LUC7L2: variants seen among roughly 807,000 people sequenced by gnomAD.
LUC7L2 encodes the protein putative RNA-binding protein Luc7-like 2.
LUC7L2 carries 25 observed loss-of-function variants against 52.8 expected under a neutral mutation model. The observed-to-expected ratio is 0.47, with a 90% CI of 0.34 to 0.66. LUC7L2 has a LOEUF of 0.66. Among genes scored for constraint, LUC7L2 ranks in the 30% least tolerant of loss-of-function variants. LUC7L2 has a pLI of 0.01. For synonymous variants in LUC7L2, 144 were observed against 160.9 expected (o/e 0.89, Z 0.80); for missense variants, 328 against 497.8 (o/e 0.66, Z 3.25).
Position 139,422,314 on chromosome 7 carries a change from G to A in LUC7L2, c.1153G>A (p.Glu385Lys). The change falls in exon 10 of 10, where the codon GAA becomes AAA. Residue 385 changes from glutamate to lysine, a missense_variant. Coordinates refer to ENST00000354926, the MANE Select transcript of LUC7L2 (RefSeq NM_016019.5). The part of the protein sequence containing the change: ...NGRSEDRRSS[E>K]EREAGEI ...CAGATCAGAAGACAGGAGGAGCTCT[G>A]AAGAGCGCGAAGCAGGGGAGATCTA... The A allele has an allele frequency of 5.0e-6, 8 of 1,613,208 alleles. No individual in the cohort carries two copies. The highest frequency in any genetic ancestry group is 6.8e-6 in the Non-Finnish European group (8 of 1,179,778).
chr7:139,392,448 T>A (rs766723921), intron 2 of LUC7L2: 1 of 407,280 alleles, frequency 2.5e-6, no homozygotes, highest in Non-Finnish European at 4.9e-6. Flanking sequence ...CAATATAAAA[T>A]GCTGTGGAGC....
At chr7:139,390,007 T>A (rs1295891341) in intron 2 of LUC7L2, among the ~76,000 whole-genome samples, 1 of 152,002 alleles carries the variant, frequency 6.6e-6, no homozygotes, top group Non-Finnish European at 1.5e-5. Context: ...CAAAAAAAAA[T>A]TAACTTGGTG....
intron 3 of LUC7L2, 130 bp from the exon 4 acceptor site, chr7:139,402,007 C>A: frequency 2.1e-6 from 2 of 952,814 alleles, no homozygotes; most frequent in Non-Finnish European, 2.9e-6. Context: ...CTAAAGTGCT[C>A]AATTACTGAC....
upstream of LUC7L2, among the ~76,000 whole-genome samples, chr7:139,356,314 C>CAAAA (rs10524961): frequency 4.8e-5 from 4 of 82,968 alleles, no homozygotes; most frequent in Non-Finnish European, 6.6e-5. Flanking sequence ...GACCCTATCT[C>CAAAA]AAAAAAAAAA....
At chr7:139,395,511 G>C (rs1485545344) in intron 2 of LUC7L2, among the ~76,000 whole-genome samples, 4 of 152,116 alleles carry the variant, frequency 2.6e-5, no homozygotes, top group South Asian at 2.1e-4. Context: ...AGCATGATGA[G>C]GACTTTTATA....
chr7:139,394,188 C>T (rs1794565012), intron 2 of LUC7L2, among the ~76,000 whole-genome samples: 1 of 152,214 alleles, frequency 6.6e-6, no homozygotes, highest in Non-Finnish European at 1.5e-5. Flanking sequence ...TCCTGGAATT[C>T]ATCTTGACCA....
At chr7:139,379,337 A>C (rs1800868320) in intron 2 of LUC7L2, among the ~76,000 whole-genome samples, 1 of 151,028 alleles carries the variant, frequency 6.6e-6, no homozygotes, top group East Asian at 1.9e-4. Context: ...CTCTGTCACA[A>C]AGGAAAAAAG....
chr7:139,422,509 C>T lies in LUC7L2; in HGVS notation c.*169C>T. Reference sequence around the variant, plus strand: ...ACTGAACCTGTTTTCCTTGATGATGCCTAAAACTACATCCATAGTTTCTGG... The same window carrying T: ...ACTGAACCTGTTTTCCTTGATGATGTCTAAAACTACATCCATAGTTTCTGG... On this transcript the variant is annotated 3_prime_UTR_variant, in exon 10 of 10. Transcript: ENST00000354926. 7.8e-7 allele frequency: 1 copy of T among 1,274,036 alleles called. No homozygotes were observed. Among genetic ancestry groups the T allele is most frequent in the African/African-American group, 1.5e-5 (1 of 66,330 alleles). 78.9% of individuals were successfully genotyped at this position (1,274,036 alleles called of 1,614,324 possible).
intron 2 of LUC7L2, among the ~76,000 whole-genome samples, chr7:139,394,015 C>T (rs1794557038): frequency 6.6e-6 from 1 of 152,114 alleles, no homozygotes; most frequent in South Asian, 2.1e-4. Context: ...TATAAACTTG[C>T]AAGGACTTAG....
chr7:139,373,385 T>C (rs1800550421), intron 1 of LUC7L2, among the ~76,000 whole-genome samples: 1 of 152,238 alleles, frequency 6.6e-6, no homozygotes, highest in Admixed American at 6.5e-5. Flanking sequence ...ATTAAGCGTT[T>C]TATTATTTCA....
intron 6 of LUC7L2, among the ~76,000 whole-genome samples, chr7:139,407,785 T>C (rs1483702554): frequency 2.0e-5 from 3 of 151,974 alleles, no homozygotes; most frequent in Non-Finnish European, 4.4e-5. Flanking sequence ...TATTTTATGC[T>C]CCTGCTTCCA....
intron 1 of LUC7L2, among the ~76,000 whole-genome samples, chr7:139,372,601 T>G (rs750010404): frequency 6.6e-6 from 1 of 152,294 alleles, no homozygotes; most frequent in Non-Finnish European, 1.5e-5. Context: ...AACACACATT[T>G]GATACTTGGA....
chr7:139,398,945 C>T (rs1794778525), intron 3 of LUC7L2, among the ~76,000 whole-genome samples: 1 of 151,916 alleles, frequency 6.6e-6, no homozygotes, highest in Admixed American at 6.6e-5. Context: ...CATATTCTTC[C>T]CAACAAAATA....
chr7:139,415,729 T>G (rs1055194379), intron 8 of LUC7L2, among the ~76,000 whole-genome samples: 1 of 151,760 alleles, frequency 6.6e-6, no homozygotes, highest in South Asian at 2.1e-4. Flanking sequence ...TCCTCCCGTT[T>G]AAGGATTAAG....
rs554369408 is a variant in LUC7L2, at chr7:139,400,933, T to C, written c.256-1204T>C. Reference sequence around the variant, plus strand: ...TGAAGAAATTCTTGGGTTATCCAACTATTTTTGGAATTCAATGTGTGCTGA... The same window carrying C: ...TGAAGAAATTCTTGGGTTATCCAACCATTTTTGGAATTCAATGTGTGCTGA... On this transcript the variant is annotated intron_variant, in intron 3 of 9. Transcript: ENST00000354926. 2.3e-3 allele frequency among the ~76,000 whole-genome samples: 354 copies of C among 152,362 alleles called. 4 individuals carry two copies. The highest frequency in any genetic ancestry group is 8.3e-3 in the African/African-American group (344 of 41,590).
chr7:139,391,312 C>T (rs1044455618), intron 2 of LUC7L2, among the ~76,000 whole-genome samples: 1 of 152,126 alleles, frequency 6.6e-6, no homozygotes, highest in African/African-American at 2.4e-5. Context: ...TCATGCTGTT[C>T]TGTAATTTTG....
chr7:139,393,643 C>T (rs1794540678), intron 2 of LUC7L2, among the ~76,000 whole-genome samples: 1 of 152,058 alleles, frequency 6.6e-6, no homozygotes, highest in Non-Finnish European at 1.5e-5. Context: ...GATGGGGTTT[C>T]ACCGTGTTGC....
intron 2 of LUC7L2, among the ~76,000 whole-genome samples, chr7:139,384,514 T>C (rs1183079637): frequency 3.3e-5 from 5 of 152,200 alleles, no homozygotes; most frequent in Non-Finnish European, 5.9e-5. Context: ...TACAAAAATA[T>C]ATATTCTCAA....
chr7:139,360,408 C>CGT, intron 1 of LUC7L2, 86 bp downstream of exon 1: 1 of 1,316,464 alleles, frequency 7.6e-7, no homozygotes, highest in South Asian at 1.3e-5. Context: ...TGGGCGCGCG[C>CGT]GTGTGGCTGA....
Sources: allele counts gnomAD v4.1 joint callset (sites outside exome capture counted in the v4.1 genomes callset), GRCh38; gene constraint gnomAD v4.1.1; transcripts MANE v1.5; gene names NCBI Gene and HGNC (gene_info 2026-07-23, HGNC 2026-07-21).